CACNA1A: variants seen among roughly 807,000 people sequenced by gnomAD.
The protein encoded by CACNA1A is voltage-dependent P/Q-type calcium channel subunit alpha-1A.
CACNA1A carries 57 observed loss-of-function variants against 262.4 expected under a neutral mutation model. The observed-to-expected ratio is 0.22, with a 90% confidence interval of 0.18 to 0.27. The LOEUF (loss-of-function observed/expected upper bound fraction) is 0.27. Ranked by LOEUF, CACNA1A falls within the 10% of genes least tolerant of loss-of-function variation. The pLI is 1.00. For missense variants in CACNA1A, 2,526 were observed against 3,562.8 expected (o/e 0.71, Z 7.41); for synonymous variants, 1,431 against 1,419.3 (o/e 1.01, Z -0.18).
intron 24 of CACNA1A, chr19:13,263,040 T>G: frequency 1.8e-6 from 1 of 568,786 alleles, no homozygotes; most frequent in South Asian, 2.0e-5. Context: ...CGTGGCTTTT[T>G]GTGGTTCTGG....
intron 6 of CACNA1A, among the ~76,000 whole-genome samples, chr19:13,336,584 A>AGAGAGAGAGAGG (rs2058570309): frequency 9.8e-6 from 1 of 101,884 alleles, no homozygotes; most frequent in East Asian, 3.5e-4. Context: ...AGAGAGACAG[A>AGAGAGAGAGAGG]GAGAGAGAGG....
At chr19:13,209,048 G>T in intron 45 of CACNA1A, 39 bp from the exon 46 acceptor site, 2 of 1,536,448 alleles carry the variant, frequency 1.3e-6, no homozygotes, top group East Asian at 2.4e-5. Flanking sequence ...ACAGGTGGTC[G>T]TGAGGGAGAG....
chr19:13,396,356 C>T (rs749410416), intron 3 of CACNA1A, among the ~76,000 whole-genome samples: 21 of 152,240 alleles, frequency 1.4e-4, no homozygotes, highest in Non-Finnish European at 2.6e-4. Flanking sequence ...CTCCTCCCTA[C>T]TGATCCACAG....
At chr19:13,455,925 G>A (rs1229340603) in intron 1 of CACNA1A, among the ~76,000 whole-genome samples, 1 of 151,270 alleles carries the variant, frequency 6.6e-6, no homozygotes, top group Non-Finnish European at 1.5e-5. Flanking sequence ...TGCGGTGGGT[G>A]GATCACTTGC....
rs1491121357 is a variant in CACNA1A, at chr19:13,320,237, C to CAAGAGAGAGA, written c.1346-2917_1346-2916insTCTCTCTCTT. ...GGGACAGGGGGGATGTTCCACAGAT[C>CAAGAGAGAGA]GAGAGAGAGAGAGAGAGAGAGAGAG... On this transcript the variant is annotated intron_variant, in intron 10 of 46. Transcript: ENST00000360228. Among the ~76,000 whole-genome samples, 10 of 127,150 alleles carry CAAGAGAGAGA rather than the reference C, an allele frequency of 7.9e-5. 1 individual carries two copies. The highest frequency in any genetic ancestry group is 3.3e-4 in the Admixed American group (4 of 12,250). 83.4% of individuals were successfully genotyped at this position (127,150 alleles called of 152,430 possible).
intron 12 of CACNA1A, among the ~76,000 whole-genome samples, chr19:13,309,518 C>G (rs541616987): frequency 1.4e-5 from 2 of 147,010 alleles, no homozygotes; most frequent in South Asian, 4.6e-4. Context: ...CACAGGGAAA[C>G]CCTGACTTTA....
At chr19:13,282,648 T>C (rs563142812) in intron 22 of CACNA1A, among the ~76,000 whole-genome samples, 2 of 151,108 alleles carry the variant, frequency 1.3e-5, no homozygotes, top group South Asian at 4.2e-4. Flanking sequence ...CTCATTCCCC[T>C]GAGCCTCAGT....
intron 1 of CACNA1A, among the ~76,000 whole-genome samples, chr19:13,461,791 A>G (rs1317804449): frequency 1.3e-5 from 2 of 152,172 alleles, no homozygotes; most frequent in African/African-American, 4.8e-5. Context: ...GGGATCCAGA[A>G]AAATCAGCCA....
chr19:13,310,787 A>C (rs2058019779), intron 12 of CACNA1A, among the ~76,000 whole-genome samples: 1 of 151,492 alleles, frequency 6.6e-6, no homozygotes, highest in Non-Finnish European at 1.5e-5. Context: ...GGACATTTTA[A>C]AATTTTTCTT....
intron 3 of CACNA1A, among the ~76,000 whole-genome samples, chr19:13,400,433 A>T (rs1366396103): frequency 6.6e-6 from 1 of 152,062 alleles, no homozygotes; most frequent in Non-Finnish European, 1.5e-5. Flanking sequence ...GTCCTTGTCA[A>T]TTTTTAACTA....
At position 13,359,660 on chromosome 19, in the gene CACNA1A, C is replaced by T. The variant is rs754935637; in HGVS notation, c.924G>A (p.Val308=). ...TGGTTATGCACTGGAAAACAGTCAG[C>T]ACTGCAAACAGGATGTTGTCGAACT... ...ITQFDNILFA[V]LTVFQCITME... The change falls in exon 6 of 47, where the codon GTG becomes GTA. Residue 308 remains valine (V), a synonymous_variant. Coordinates refer to ENST00000360228, the MANE Select transcript of CACNA1A (RefSeq NM_001127222.2). 2.2e-5 allele frequency: 36 copies of T among 1,610,380 alleles called. No homozygotes were observed. The African/African-American group carries it at 4.5e-4, about 20-fold the overall frequency.
chr19:13,329,751 G>A (rs1316262490), intron 10 of CACNA1A, among the ~76,000 whole-genome samples: 2 of 150,288 alleles, frequency 1.3e-5, no homozygotes, highest in Non-Finnish European at 3.0e-5. Context: ...GGGATTACAG[G>A]CGTGAGCCAC....
In CACNA1A at chr19:13,257,407, G is replaced by A; in HGVS notation, c.4533C>T (p.Ile1511=). Residue 1511 remains isoleucine (I), a synonymous_variant, in exon 28 of 47, where the codon ATC becomes ATT. Coordinates refer to ENST00000360228, the MANE Select transcript of CACNA1A (RefSeq NM_001127222.2). The stretch of plus-strand genomic sequence containing the variant: ...TCTTGTCCCCTTGCTCCTGGAAGGT[G>A]ATGATGATCAAGGCCACAAAGATAT... ...FVNIFVALII[I]TFQEQGDKMM... 6.2e-7 allele frequency: 1 copy of A among 1,613,978 alleles called. No homozygotes were observed. The highest frequency in any genetic ancestry group is 8.5e-7 in the Non-Finnish European group (1 of 1,179,860).
chr19:13,493,851 G>A (rs1331442264), intron 1 of CACNA1A, among the ~76,000 whole-genome samples: 1 of 152,178 alleles, frequency 6.6e-6, no homozygotes, highest in African/African-American at 2.4e-5. Flanking sequence ...ATTAACAACA[G>A]TCTTTTCTGG....
At chr19:13,361,840 G>T (rs899543598) in intron 5 of CACNA1A, among the ~76,000 whole-genome samples, 3 of 152,144 alleles carry the variant, frequency 2.0e-5, no homozygotes, top group African/African-American at 7.2e-5. Context: ...AAATCCATGG[G>T]TTCCTATAAT....
intron 6 of CACNA1A, among the ~76,000 whole-genome samples, chr19:13,349,527 C>G (rs2058866319): frequency 6.6e-6 from 1 of 152,214 alleles, no homozygotes; most frequent in African/African-American, 2.4e-5. Context: ...AATGAGGCCA[C>G]CTGTCACTAG....
chr19:13,352,021 G>C (rs2058920510), intron 6 of CACNA1A, among the ~76,000 whole-genome samples: 1 of 152,090 alleles, frequency 6.6e-6, no homozygotes. Context: ...TGTAAGATAA[G>C]GACACCTAGG....
Position 13,207,312 on chromosome 19 carries a change from C to G in CACNA1A, c.*1G>C. The G allele has an allele frequency of 6.4e-7, 1 of 1,555,710 alleles. No individual in the cohort carries two copies. Among genetic ancestry groups the G allele is most frequent in the Non-Finnish European group, 8.6e-7 (1 of 1,158,274 alleles). The stretch of plus-strand genomic sequence containing the variant: ...CCGGGCGGGCGCCACCTCGCCCGGG[C>G]TTAGCACCAATCATCGTCACTCTCG... On this transcript the variant is annotated 3_prime_UTR_variant, in exon 47 of 47. Coordinates refer to ENST00000360228, the MANE Select transcript of CACNA1A (RefSeq NM_001127222.2). The surrounding 1 kb of genome is among the most constrained non-coding windows in gnomAD (Gnocchi z 5.7).
intron 1 of CACNA1A, among the ~76,000 whole-genome samples, chr19:13,487,170 T>C (rs1980112675): frequency 6.6e-6 from 1 of 152,188 alleles, no homozygotes; most frequent in Admixed American, 6.5e-5. Context: ...TTGTAGGTCT[T>C]ATTTATTAAA....
Sources: gnomAD v4.1 joint callset for allele counts (sites outside exome capture counted in the v4.1 genomes callset) on GRCh38, gnomAD v4.1.1 for gene constraint, Gnocchi (gnomAD v3.1) non-coding constraint, MANE v1.5 for transcripts, NCBI Gene and HGNC (gene_info 2026-07-23, HGNC 2026-07-21) for gene names.